The following SUPT3H variants were observed in gnomAD, a reference collection of about 807,000 sequenced individuals.
The protein encoded by SUPT3H is transcription initiation protein SPT3 homolog.
SUPT3H carries 44 observed loss-of-function variants against 44.3 expected under a neutral mutation model. The ratio of observed to expected loss-of-function variants is 0.99; its 90% CI spans 0.78 to 1.28. SUPT3H has a LOEUF of 1.28. SUPT3H is among the 50% of genes most tolerant of loss of function. SUPT3H has a pLI of 0.00. For missense variants in SUPT3H, 380 were observed against 387.1 expected (o/e 0.98, Z 0.15); for synonymous variants, 124 against 125.6 (o/e 0.99, Z 0.09).
intron 3 of SUPT3H, among the ~76,000 whole-genome samples, chr6:45,101,070 G>A (rs556001473): frequency 5.3e-5 from 8 of 152,322 alleles, no homozygotes; most frequent in African/African-American, 1.9e-4. Flanking sequence ...ATGACATTAT[G>A]TTAAGAGAAA....
Position 44,891,846 on chromosome 6 carries a change from A to G in SUPT3H, c.912+40807T>C, listed in dbSNP as rs569804063. On this transcript the variant is annotated intron_variant, in intron 10 of 10. Coordinates refer to ENST00000371459, the MANE Select transcript of SUPT3H (RefSeq NM_003599.4). ...GAGAATGGACAGATTAGTGACCAAA[A>G]AAAAAAGACAAATAAAATATTAACT... Among the ~76,000 whole-genome samples, 234 of 152,212 alleles carry G rather than the reference A, an allele frequency of 1.5e-3. 1 individual carries two copies. The highest frequency in any genetic ancestry group is 2.5e-3 in the Non-Finnish European group (171 of 68,000).
intron 2 of SUPT3H, among the ~76,000 whole-genome samples, chr6:45,327,942 A>C (rs1786646083): frequency 6.6e-6 from 1 of 151,948 alleles, no homozygotes; most frequent in African/African-American, 2.4e-5. Context: ...CAGACACAAT[A>C]ATGAACTAAA....
At position 45,058,660 on chromosome 6, in the gene SUPT3H, G is replaced by C. The variant is rs548488569; in HGVS notation, c.187-38028C>G. Reference sequence around the variant, plus strand: ...CTAAAAGGAGCGTTCAGCTATTGTTGAGAAACACTGCACTACAGTATAACT... The same window carrying C: ...CTAAAAGGAGCGTTCAGCTATTGTTCAGAAACACTGCACTACAGTATAACT... On this transcript the variant is annotated intron_variant, in intron 3 of 10. Transcript: ENST00000371459. 3.1e-3 allele frequency among the ~76,000 whole-genome samples: 475 copies of C among 152,150 alleles called. 6 individuals are homozygous for C. Among genetic ancestry groups the C allele is most frequent in the South Asian group, 5.2e-3 (25 of 4,806 alleles).
intron 11 of SUPT3H, among the ~76,000 whole-genome samples, chr6:44,819,237 T>C (rs143305773): frequency 1.6e-3 from 245 of 152,266 alleles, no homozygotes; most frequent in African/African-American, 5.3e-3. Context: ...TTCAACTTGA[T>C]ATGGAATTAT....
chr6:45,099,675 C>T (rs989163637), intron 3 of SUPT3H, among the ~76,000 whole-genome samples: 9 of 151,998 alleles, frequency 5.9e-5, no homozygotes, highest in Admixed American at 1.3e-4. Context: ...ATCTTTGTAT[C>T]GCTATAACCA....
At chr6:44,933,127 A>G (rs994820693) in intron 9 of SUPT3H, among the ~76,000 whole-genome samples, 1 of 152,174 alleles carries the variant, frequency 6.6e-6, no homozygotes, top group Non-Finnish European at 1.5e-5. Flanking sequence ...ATTTATTATT[A>G]TAAACGTTTC....
rs556192488 is a variant in SUPT3H at position 45,175,686 on chromosome 6, G to C, written c.102-69680C>G. On this transcript the variant is annotated intron_variant, in intron 2 of 10. Coordinates refer to ENST00000371459, the MANE Select transcript of SUPT3H (RefSeq NM_003599.4). ...ACATGAATACGATACCATGGTGCTAGGCCCTGAGGCAGACTCAAGTGATAT... is the reference window on the plus strand; with the variant it reads ...ACATGAATACGATACCATGGTGCTACGCCCTGAGGCAGACTCAAGTGATAT... Among the ~76,000 whole-genome samples the C allele has an allele frequency of 1.4e-4, 21 of 149,910 alleles. No individual in the cohort carries two copies. In the South Asian group the frequency reaches 3.2e-3, roughly 23 times the overall value.
intron 2 of SUPT3H, among the ~76,000 whole-genome samples, chr6:45,266,722 A>G (rs1415000967): frequency 2.0e-5 from 3 of 152,066 alleles, no homozygotes; most frequent in Non-Finnish European, 2.9e-5. Context: ...ATTCAGTCAT[A>G]TATAAAAACT....
intron 9 of SUPT3H, among the ~76,000 whole-genome samples, chr6:44,948,229 A>G (rs561655713): frequency 6.6e-6 from 1 of 152,298 alleles, no homozygotes; most frequent in Admixed American, 6.5e-5. Context: ...CACCTTATAC[A>G]AAAATTAATT....
chr6:45,138,611 G>A (rs1360844153), intron 2 of SUPT3H, among the ~76,000 whole-genome samples: 1 of 152,098 alleles, frequency 6.6e-6, no homozygotes, highest in South Asian at 2.1e-4. Context: ...TACTCTGTGT[G>A]TGTGTGTGTC....
chr6:45,113,543 A>T (rs1800377908), intron 2 of SUPT3H, among the ~76,000 whole-genome samples: 2 of 152,176 alleles, frequency 1.3e-5, no homozygotes, highest in Admixed American at 6.5e-5. Flanking sequence ...AAATCAAAAT[A>T]TCAAATAAGG....
At chr6:45,111,431 C>T (rs940785808) in intron 2 of SUPT3H, among the ~76,000 whole-genome samples, 2 of 151,866 alleles carry the variant, frequency 1.3e-5, no homozygotes, top group African/African-American at 4.8e-5. Flanking sequence ...GACCAATCAC[C>T]CTAGTTTGCC....
At chr6:45,331,115 G>A (rs1787397176) in intron 2 of SUPT3H, among the ~76,000 whole-genome samples, 1 of 149,688 alleles carries the variant, frequency 6.7e-6, no homozygotes, top group South Asian at 2.1e-4. Context: ...GTGTGTGTGT[G>A]TGTGTGTGTG....
chr6:45,238,167 T>C (rs188074481), intron 2 of SUPT3H, among the ~76,000 whole-genome samples: 2,671 of 152,274 alleles, frequency 0.018, 51 homozygotes, highest in South Asian at 0.085. Context: ...ATTCAGTATA[T>C]GGATGATATA....
At chr6:45,115,780 T>C (rs916890877) in intron 2 of SUPT3H, among the ~76,000 whole-genome samples, 1 of 152,198 alleles carries the variant, frequency 6.6e-6, no homozygotes, top group Non-Finnish European at 1.5e-5. Flanking sequence ...CGAATATTTA[T>C]TGAATACTGG....
intron 2 of SUPT3H, among the ~76,000 whole-genome samples, chr6:45,194,103 G>T (rs1390492304): frequency 1.3e-5 from 2 of 151,970 alleles, no homozygotes; most frequent in Non-Finnish European, 2.9e-5. Context: ...CGGTCTATGT[G>T]GTTATTTCAC....
At chr6:45,164,554 T>C (rs1239796844) in intron 2 of SUPT3H, among the ~76,000 whole-genome samples, 1 of 152,128 alleles carries the variant, frequency 6.6e-6, no homozygotes, top group East Asian at 1.9e-4. Context: ...AGTGTCTGCC[T>C]CACTGATGAC....
chr6:45,039,451 G>T (rs747666649), intron 3 of SUPT3H, among the ~76,000 whole-genome samples: 1 of 147,172 alleles, frequency 6.8e-6, no homozygotes, highest in Non-Finnish European at 1.5e-5. Context: ...TACTATTAAA[G>T]AATTTAATTT....
At chr6:45,328,693 G>T in intron 2 of SUPT3H, 2 of 1,611,660 alleles carry the variant, frequency 1.2e-6, no homozygotes, top group Non-Finnish European at 1.7e-6. Context: ...ACAACAGAGG[G>T]TACAAGTTCT....
Sources: gnomAD v4.1 joint callset for allele counts (sites outside exome capture counted in the v4.1 genomes callset) on GRCh38, gnomAD v4.1.1 for gene constraint, MANE v1.5 for transcripts, NCBI Gene and HGNC (gene_info 2026-07-23, HGNC 2026-07-21) for gene names.